The following TULP4 variants were observed in gnomAD, a reference collection of about 807,000 sequenced individuals.
TULP4 encodes TUB like protein 4, also known as tubby-related protein 4.
A neutral mutation model predicts 129.0 loss-of-function variants in TULP4; 16 were observed. The observed-to-expected ratio is 0.12, with a 90% confidence interval of 0.08 to 0.19. TULP4 has a LOEUF of 0.19. Ranked by LOEUF, TULP4 falls within the 10% of genes least tolerant of loss-of-function variation. The probability of loss-of-function intolerance (pLI) is 1.00; values close to 1 mark genes in which losing one functional copy is unlikely to be tolerated. For synonymous variants in TULP4, 998 were observed against 854.0 expected (o/e 1.17, Z -2.94); for missense variants, 1,842 against 2,059.1 (o/e 0.89, Z 2.04).
intron 1 of TULP4, among the ~76,000 whole-genome samples, chr6:158,253,803 G>A (rs202175669): frequency 6.6e-6 from 1 of 152,196 alleles, no homozygotes; most frequent in Non-Finnish European, 1.5e-5. Flanking sequence ...GGGAGGCCAA[G>A]GTGGGCGGAT....
intron 1 of TULP4, among the ~76,000 whole-genome samples, chr6:158,362,530 T>C (rs1780818927): frequency 6.6e-6 from 1 of 152,096 alleles, no homozygotes; most frequent in South Asian, 2.1e-4. Context: ...TGGTATTTTT[T>C]ATAGAGACAG....
rs183017511 is a variant in TULP4 at position 158,271,083 on chromosome 6, G to A, written n.68+38780G>A. On this transcript the variant is annotated intron_variant and non_coding_transcript_variant, in intron 1 of 1. Transcript: ENST00000620026. ...GAGAATGGCTTGAACCCAGGAGGTG[G>A]AGGTTGCAGTTAGCCGAGATCGCGC... Among the ~76,000 whole-genome samples the A allele has an allele frequency of 1.9e-3, 288 of 151,616 alleles. 5 individuals are homozygous for A. The highest frequency in any genetic ancestry group is 0.015 in the Admixed American group (227 of 15,216).
At chr6:158,397,235 G>C (rs1777739250) in intron 1 of TULP4, among the ~76,000 whole-genome samples, 1 of 152,226 alleles carries the variant, frequency 6.6e-6, no homozygotes, top group Non-Finnish European at 1.5e-5. Flanking sequence ...ATCTGGGATG[G>C]AAGCATGTGG....
intron 1 of TULP4, among the ~76,000 whole-genome samples, chr6:158,354,719 C>A (rs1054419442): frequency 6.6e-6 from 1 of 151,832 alleles, no homozygotes; most frequent in Non-Finnish European, 1.5e-5. Context: ...GTAGCAAGAC[C>A]CCATCTCTAA....
At chr6:158,246,023 G>GGTGTGTGTGTGTGTGTGTGTGTGT (rs66690741) in intron 1 of TULP4, among the ~76,000 whole-genome samples, 6 of 145,920 alleles carry the variant, frequency 4.1e-5, no homozygotes, top group Non-Finnish European at 6.0e-5. Context: ...ACCCCTTAGG[G>GGTGTGTGTGTGTGTGTGTGTGTGT]GTGTGTGTGT....
chr6:158,472,187 C>T (rs1209416527), intron 6 of TULP4, among the ~76,000 whole-genome samples: 1 of 152,198 alleles, frequency 6.6e-6, no homozygotes, highest in African/African-American at 2.4e-5. Flanking sequence ...TTTCTGTCTA[C>T]TTGTCTTATT....
chr6:158,446,835 G>A (rs961789313), intron 3 of TULP4, among the ~76,000 whole-genome samples: 4 of 152,142 alleles, frequency 2.6e-5, no homozygotes, highest in Admixed American at 2.6e-4. Flanking sequence ...TAGCGAGAGT[G>A]CTTGCAAGCT....
At chr6:158,359,407 A>C (rs554364344) in intron 1 of TULP4, among the ~76,000 whole-genome samples, 16 of 152,352 alleles carry the variant, frequency 1.1e-4, no homozygotes, top group East Asian at 9.6e-4. Context: ...AACTCACACG[A>C]TCACAAGGTG....
In TULP4 at chr6:158,503,484, A is replaced by T. The variant is rs769177968; in HGVS notation, c.3821A>T (p.Asn1274Ile). 1 of 1,613,400 alleles carries T rather than the reference A, an allele frequency of 6.2e-7. No homozygotes were observed. Among genetic ancestry groups the T allele is most frequent in the East Asian group, 2.2e-5 (1 of 44,858 alleles). Residue 1274 changes from asparagine to isoleucine, a missense_variant, in exon 13 of 14, where the codon AAC (asparagine) becomes ATC (isoleucine). Transcript: ENST00000367097. The surrounding 1 kb of genome is among the most constrained non-coding windows in gnomAD (Gnocchi z 4.3). Reference sequence around the variant, plus strand: ...TACAGCGCCTGCCCGCCCATGCAGAACCCCCAGGGCACTCTCCCCCCAAAG... The same window carrying T: ...TACAGCGCCTGCCCGCCCATGCAGATCCCCCAGGGCACTCTCCCCCCAAAG... ...SSYSACPPMQ[N>I]PQGTLPPKPH...
intron 1 of TULP4, among the ~76,000 whole-genome samples, chr6:158,293,349 C>G (rs1778976640): frequency 6.6e-6 from 1 of 152,152 alleles, no homozygotes; most frequent in Non-Finnish European, 1.5e-5. Flanking sequence ...GAAACTCATT[C>G]AGTTCATGTT....
At chr6:158,322,450 A>G (rs1260267958) in intron 1 of TULP4, among the ~76,000 whole-genome samples, 2 of 152,192 alleles carry the variant, frequency 1.3e-5, no homozygotes, top group Admixed American at 1.3e-4. Flanking sequence ...ATTCTCTTCT[A>G]TCAGAGTTGT....
chr6:158,487,101 A>G (rs1169507038), intron 8 of TULP4, among the ~76,000 whole-genome samples: 1 of 129,296 alleles, frequency 7.7e-6, no homozygotes, highest in Non-Finnish European at 1.7e-5. Flanking sequence ...TGCAAAAATT[A>G]GCTGGGTGTG....
intron 1 of TULP4, among the ~76,000 whole-genome samples, chr6:158,302,783 G>A (rs367948659): frequency 1.3e-5 from 2 of 151,964 alleles, no homozygotes; most frequent in African/African-American, 2.4e-5. Flanking sequence ...TTGACTGGGA[G>A]CACTGTAAGA....
chr6:158,344,296 T>G (rs1213122639), intron 1 of TULP4, among the ~76,000 whole-genome samples: 1 of 152,210 alleles, frequency 6.6e-6, no homozygotes, highest in Non-Finnish European at 1.5e-5. Flanking sequence ...TAAACAGCCT[T>G]GTTGCTCACA....
rs569212166 is a variant in TULP4 at position 158,274,178 on chromosome 6, A to G, written n.69-37873A>G. On this transcript the variant is annotated intron_variant and non_coding_transcript_variant, in intron 1 of 1. Coordinates refer to the TULP4 transcript ENST00000620026. ...GAGGCTGAGGCAGGAGAATTGCTTG[A>G]ACCCGGGAGGTGGAGGTTGTAATGA... Among the ~76,000 whole-genome samples, 85 of 152,208 alleles carry G rather than the reference A, an allele frequency of 5.6e-4. 1 individual carries two copies. Among genetic ancestry groups the G allele is most frequent in the African/African-American group, 2.0e-3 (84 of 41,534 alleles).
At chr6:158,364,455 A>G (rs1780877440) in intron 1 of TULP4, among the ~76,000 whole-genome samples, 1 of 152,182 alleles carries the variant, frequency 6.6e-6, no homozygotes, top group African/African-American at 2.4e-5. Context: ...TCTTAGAGTA[A>G]CTATCTATAG....
rs1777901962 is a variant in TULP4, at chr6:158,241,292, A to G, written n.68+8989A>G. On this transcript the variant is annotated intron_variant and non_coding_transcript_variant, in intron 1 of 1. Coordinates refer to the TULP4 transcript ENST00000620026. ...GCAGCCAGGCAGAGGGGCTCCTCAC[A>G]TCCCAGATGATGGGCGGCCAGGCAG... 1.6e-5 allele frequency among the ~76,000 whole-genome samples: 2 copies of G among 123,744 alleles called. 1 individual carries two copies. Among genetic ancestry groups the G allele is most frequent in the Non-Finnish European group, 3.7e-5 (2 of 54,718 alleles). The allele number at this position is 123,744 out of a possible 152,430, so 81.2% of individuals were successfully genotyped here.
chr6:158,298,757 TAAAC>T (rs199820508), intron 1 of TULP4, among the ~76,000 whole-genome samples: 5,191 of 152,258 alleles, frequency 0.034, 143 homozygotes, highest in South Asian at 0.1. Context: ...AGGTTGGCGG[TAAAC>T]AAAGCAGAAT....
chr6:158,237,016 G>A (rs187126102), intron 1 of TULP4, among the ~76,000 whole-genome samples: 1 of 151,422 alleles, frequency 6.6e-6, no homozygotes, highest in African/African-American at 2.4e-5. Context: ...TCACTGTGTT[G>A]GCCAGGCTGG....
Sources: gnomAD v4.1 joint callset for allele counts (sites outside exome capture counted in the v4.1 genomes callset) on GRCh38, gnomAD v4.1.1 for gene constraint, Gnocchi (gnomAD v3.1) non-coding constraint, MANE v1.5 for transcripts, NCBI Gene and HGNC (gene_info 2026-07-23, HGNC 2026-07-21) for gene names.